ZFC3H1: variants seen among roughly 807,000 people sequenced by gnomAD.
ZFC3H1 encodes zinc finger C3H1-type containing.
In ZFC3H1, 71 loss-of-function variants were observed where a neutral mutation model predicts 243.7. The ratio of observed to expected loss-of-function variants is 0.29; its 90% CI spans 0.24 to 0.36. The LOEUF is 0.36. Among genes scored for constraint, ZFC3H1 ranks in the 10% least tolerant of loss-of-function variants. The probability of loss-of-function intolerance (pLI) is 1.00; values close to 1 mark genes in which losing one functional copy is unlikely to be tolerated. For missense variants in ZFC3H1, 1,966 were observed against 2,317.1 expected, an observed-to-expected ratio of 0.85 and a Z score of 3.11; for synonymous variants, 838 against 813.0, an observed-to-expected ratio of 1.03 and a Z score of -0.52.
rs2137571372 is a variant in ZFC3H1 at position 71,663,061 on chromosome 12, A to C, written c.550T>G (p.Phe184Val). ...PPLGGGAGSG[F>V]SSSQSWREPS... ...TCTCGCCAGCTCTGACTGCTGCTGAACCCGGATCCTGCTCCTCCTCCCAGA... is the reference window on the plus strand; with the variant it reads ...TCTCGCCAGCTCTGACTGCTGCTGACCCCGGATCCTGCTCCTCCTCCCAGA... The change falls in exon 1 of 35, where the codon TTC becomes GTC. Residue 184 changes from phenylalanine to valine, a missense_variant. Physicochemically the swap from Phe to Val is conservative, Grantham distance 50 (BLOSUM62 -1). This residue lies in a region of ZFC3H1 where 484 missense variants were observed against 449.7 expected (regional missense o/e 1.08). Coordinates refer to ENST00000378743, the MANE Select transcript of ZFC3H1 (RefSeq NM_144982.5). 1 of 1,613,322 alleles carries C rather than the reference A, an allele frequency of 6.2e-7. No individual in the cohort carries two copies. The highest frequency in any genetic ancestry group is 2.2e-5 in the East Asian group (1 of 44,866).
rs1879986563 is a variant in ZFC3H1 at position 71,620,053 on chromosome 12, G to A, written c.4922C>T (p.Ala1641Val). Residue 1641 changes from alanine to valine, a missense_variant, in exon 26 of 35, where the codon GCT (alanine) becomes GTT (valine). Physicochemically the swap from Ala to Val is moderately conservative, Grantham distance 64. Transcript: ENST00000378743. ...TGTTTGCAAATATAATGCAACAAGA[G>A]CTTCCAGCAACTGGCAGTTAATAGG... ...SCPINCQLLE[A>V]LVALYLQTNQ... 6.2e-7 allele frequency: 1 copy of A among 1,613,604 alleles called. No individual in the cohort carries two copies. The highest frequency in any genetic ancestry group is 8.5e-7 in the Non-Finnish European group (1 of 1,179,940).
At chr12:71,612,156 A>G (rs915532266) in intron 31 of ZFC3H1, among the ~76,000 whole-genome samples, 5 of 151,994 alleles carry the variant, frequency 3.3e-5, no homozygotes, top group African/African-American at 9.7e-5. Context: ...TTCCCGCCAA[A>G]TAACAGTCCC....
chr12:71,621,562 T>TG (rs1302657731), intron 24 of ZFC3H1, among the ~76,000 whole-genome samples: 1 of 152,090 alleles, frequency 6.6e-6, no homozygotes, highest in Non-Finnish European at 1.5e-5. Context: ...CCTCAGCAGA[T>TG]TATCAAGTGC....
chr12:71,660,205 G>A (rs922979728), intron 1 of ZFC3H1: 12 of 152,170 alleles, frequency 7.9e-5, no homozygotes, highest in African/African-American at 2.7e-4. Context: ...TAATCACATA[G>A]TGGAAATATG....
In ZFC3H1 at chr12:71,636,554, G is replaced by C; in HGVS notation, c.2036C>G (p.Ser679Cys). The C allele has an allele frequency of 1.2e-6, 2 of 1,613,466 alleles. No individual in the cohort carries two copies. Among genetic ancestry groups the C allele is most frequent in the Non-Finnish European group, 1.7e-6 (2 of 1,179,602 alleles). Reference sequence around the variant, plus strand: ...CTTTGGATTCTGTATCCTAGGCTGAGACACTGTGTTAATACTGACTATTGA... The same window carrying C: ...CTTTGGATTCTGTATCCTAGGCTGACACACTGTGTTAATACTGACTATTGA... ...NLSIVSINTV[S>C]QPRIQNPKFH... The change falls in exon 9 of 35, where the codon TCT (serine) becomes TGT (cysteine). Residue 679 changes from serine to cysteine, a missense_variant. Coordinates refer to ENST00000378743, the MANE Select transcript of ZFC3H1 (RefSeq NM_144982.5).
intron 7 of ZFC3H1, 46 bp downstream of exon 7, chr12:71,638,372 A>G (rs773386270): frequency 1.3e-6 from 2 of 1,562,610 alleles, no homozygotes; most frequent in African/African-American, 1.4e-5. Flanking sequence ...AACAAATTAG[A>G]AAAGACAAGA....
chr12:71,660,992 A>T (rs1185220390), intron 1 of ZFC3H1, among the ~76,000 whole-genome samples: 5 of 151,616 alleles, frequency 3.3e-5, no homozygotes, highest in African/African-American at 7.2e-5. Flanking sequence ...AATTTTTTTT[A>T]ATTAAAAAAA....
chr12:71,661,959 T>C (rs1881188995), intron 1 of ZFC3H1, among the ~76,000 whole-genome samples: 1 of 152,220 alleles, frequency 6.6e-6, no homozygotes, highest in South Asian at 2.1e-4. Context: ...AAGTGTTCTA[T>C]AAAAGTAATT....
At chr12:71,624,416 T>G (rs1159503867) in intron 22 of ZFC3H1, 124 bp from the exon 23 acceptor site, 1 of 1,008,332 alleles carries the variant, frequency 9.9e-7, no homozygotes, top group African/African-American at 1.6e-5. Flanking sequence ...AAAGGATTAC[T>G]GTAAAAATGT....
chr12:71,641,678 A>G (rs181163982), intron 6 of ZFC3H1, among the ~76,000 whole-genome samples: 1 of 152,338 alleles, frequency 6.6e-6, no homozygotes, highest in Non-Finnish European at 1.5e-5. Context: ...CTGAGATGCC[A>G]CTAGTACTAT....
rs571048982 is a variant in ZFC3H1, at chr12:71,635,424, C to A, written c.2238+19G>T. 2 of 1,556,048 alleles carry A rather than the reference C, an allele frequency of 1.3e-6. No homozygotes were observed. Among genetic ancestry groups the A allele is most frequent in the South Asian group, 2.5e-5 (2 of 78,944 alleles). On this transcript the variant is annotated intron_variant, in intron 10 of 34. Transcript: ENST00000378743. ...ATCAAAAGGTCATCTTTCTTTCCACCTTTAATTATTGCACTTACCTCAGCA... is the reference window on the plus strand; with the variant it reads ...ATCAAAAGGTCATCTTTCTTTCCACATTTAATTATTGCACTTACCTCAGCA...
In ZFC3H1 at chr12:71,627,823, C is replaced by T; in HGVS notation, c.4058G>A (p.Ser1353Asn). 6.2e-7 allele frequency: 1 copy of T among 1,613,878 alleles called. No homozygotes were observed. The highest frequency in any genetic ancestry group is 8.5e-7 in the Non-Finnish European group (1 of 1,179,900). The change falls in exon 21 of 35, where the codon AGT becomes AAT. Residue 1353 changes from serine (S) to asparagine (N), a missense_variant. Coordinates refer to ENST00000378743, the MANE Select transcript of ZFC3H1 (RefSeq NM_144982.5). ...TACATGAGAAGGATTTTCAAGCACA[C>T]TTGCTTCTAAATTAGCGATGTCATC... Reference protein sequence around the residue: ...ETDDIANLEASVLENPSHVQL... With the variant: ...ETDDIANLEANVLENPSHVQL...
At chr12:71,622,459 T>TC (rs900662869) in intron 24 of ZFC3H1, among the ~76,000 whole-genome samples, 1 of 152,140 alleles carries the variant, frequency 6.6e-6, no homozygotes, top group African/African-American at 2.4e-5. Context: ...GATCCTAGTC[T>TC]CTTTTTTTTT....
chr12:71,662,860 G>A (rs1360480537), intron 1 of ZFC3H1, 153 bp downstream of exon 1: 2 of 784,896 alleles, frequency 2.5e-6, no homozygotes, highest in Non-Finnish European at 2.1e-6. Flanking sequence ...TGTGACACAT[G>A]GGGAATTACC....
Position 71,623,458 on chromosome 12 carries a change from T to C in ZFC3H1, c.4646A>G (p.Asn1549Ser), listed in dbSNP as rs755629523. ...PSKFYDPSND[N>S]PSRIVNTESF... Reference sequence around the variant, plus strand: ...TTCAGTGTTAACAATTCTTGAAGGATTATCATTAGATGGATCATAAAATTT... The same window carrying C: ...TTCAGTGTTAACAATTCTTGAAGGACTATCATTAGATGGATCATAAAATTT... The change falls in exon 24 of 35, where the codon AAT (asparagine) becomes AGT (serine). Residue 1549 changes from asparagine (N) to serine (S), a missense_variant. This residue lies in a region of ZFC3H1 where 1,383 missense variants were observed against 1,723.7 expected (regional missense o/e 0.80). Transcript: ENST00000378743. The C allele has an allele frequency of 3.1e-6, 5 of 1,613,712 alleles. No homozygotes were observed. The highest frequency in any genetic ancestry group is 2.2e-5 in the East Asian group (1 of 44,804).
In ZFC3H1 at chr12:71,634,836, A is replaced by C; in HGVS notation, c.2239-11T>G. The stretch of plus-strand genomic sequence containing the variant: ...CGGTTTTGAAGCTTGCTAAAAAAAA[A>C]AAAACATTTGAAGTCAACTAGATCA... On this transcript the variant is annotated splice_polypyrimidine_tract_variant and intron_variant, in intron 10 of 34. Transcript: ENST00000378743. The C allele has an allele frequency of 1.3e-6, 2 of 1,578,242 alleles. No homozygotes were observed. The highest frequency in any genetic ancestry group is 1.2e-5 in the South Asian group (1 of 84,890).
chr12:71,633,978 A>G (rs912654344), intron 12 of ZFC3H1, among the ~76,000 whole-genome samples, 177 bp downstream of exon 12: 2 of 152,212 alleles, frequency 1.3e-5, no homozygotes, highest in African/African-American at 4.8e-5. Context: ...TTTAAACATT[A>G]ATTTCATTAC....
At chr12:71,658,268 T>C (rs1592605055) in intron 1 of ZFC3H1, among the ~76,000 whole-genome samples, 1 of 147,928 alleles carries the variant, frequency 6.8e-6, no homozygotes, top group Non-Finnish European at 1.5e-5. Flanking sequence ...GTGGTTTTAA[T>C]ACATCATTTA....
At position 71,654,561 on chromosome 12, in the gene ZFC3H1, G is replaced by A. The variant is rs558817472; in HGVS notation, c.1015+2324C>T. Among the ~76,000 whole-genome samples, 46 of 152,164 alleles carry A rather than the reference G, an allele frequency of 3.0e-4. No individual in the cohort carries two copies. In the East Asian group the frequency reaches 7.3e-3, roughly 24 times the overall value. ...AAGCAAATATCATTCTTTGTATTTC[G>A]GGGAAAGAGTAAGGTTCCTGATTAA... On this transcript the variant is annotated intron_variant, in intron 2 of 34. Coordinates refer to ENST00000378743, the MANE Select transcript of ZFC3H1 (RefSeq NM_144982.5).
Sources: gnomAD v4.1 joint callset for allele counts (sites outside exome capture counted in the v4.1 genomes callset) on GRCh38, gnomAD v4.1.1 for gene constraint, gnomAD v4.1.1 regional missense constraint, MANE v1.5 for transcripts, NCBI Gene and HGNC (gene_info 2026-07-23, HGNC 2026-07-21) for gene names.